Variants in SCAF8 observed in about 807,000 individuals in gnomAD.
SCAF8 encodes SR-related and CTD-associated factor 8.
SCAF8 carries 23 observed loss-of-function variants against 140.5 expected under a neutral mutation model. The observed-to-expected ratio is 0.16, with a 90% confidence interval of 0.12 to 0.23. SCAF8 has a LOEUF of 0.23. Ranked by LOEUF, SCAF8 falls within the 10% of genes least tolerant of loss-of-function variation. SCAF8 has a pLI of 1.00. For missense variants in SCAF8, 1,397 were observed against 1,555.7 expected, an observed-to-expected ratio of 0.90 and a Z score of 1.72; for synonymous variants, 575 against 528.9, an observed-to-expected ratio of 1.09 and a Z score of -1.20.
At chr6:154,788,306 A>G (rs1371350640) in intron 4 of SCAF8, among the ~76,000 whole-genome samples, 2 of 152,160 alleles carry the variant, frequency 1.3e-5, no homozygotes, top group Admixed American at 6.6e-5. Flanking sequence ...AATATGCCAT[A>G]TAGTCTAGGT....
At chr6:154,793,043 A>C in intron 5 of SCAF8, 67 bp downstream of exon 5, 1 of 1,294,484 alleles carries the variant, frequency 7.7e-7, no homozygotes, top group Non-Finnish European at 1.0e-6. Flanking sequence ...GACTGTTCAT[A>C]TAAAAAATAA....
intron 1 of SCAF8, among the ~76,000 whole-genome samples, chr6:154,772,816 G>A (rs1039968064): frequency 2.0e-5 from 3 of 152,120 alleles, no homozygotes; most frequent in African/African-American, 7.2e-5. Context: ...CTGGAGTGTA[G>A]TAGTGCAATC....
At chr6:154,748,529 CT>C (rs372335788) in intron 1 of SCAF8, among the ~76,000 whole-genome samples, 20 of 148,144 alleles carry the variant, frequency 1.4e-4, no homozygotes, top group Non-Finnish European at 1.2e-4. Context: ...TACCATGTTA[CT>C]TTTTTTTTTG....
intron 2 of SCAF8, among the ~76,000 whole-genome samples, chr6:154,774,485 A>G (rs1000547553): frequency 6.6e-6 from 1 of 152,182 alleles, no homozygotes; most frequent in African/African-American, 2.4e-5. Flanking sequence ...AATATTTTGC[A>G]TATATCCACA....
intron 13 of SCAF8, among the ~76,000 whole-genome samples, chr6:154,816,038 T>G (rs1221413521): frequency 7.9e-5 from 12 of 152,194 alleles, no homozygotes; most frequent in Admixed American, 7.9e-4. Context: ...GTTCTTGAGT[T>G]TTATAGCAGT....
At chr6:154,746,061 T>C (rs1409842241) in intron 1 of SCAF8, among the ~76,000 whole-genome samples, 2 of 152,122 alleles carry the variant, frequency 1.3e-5, no homozygotes, top group Non-Finnish European at 1.5e-5. Context: ...AATTTTTGTA[T>C]TTTTAGTCGA....
intron 1 of SCAF8, among the ~76,000 whole-genome samples, chr6:154,763,639 C>T (rs1012437652): frequency 1.6e-4 from 25 of 152,008 alleles, no homozygotes; most frequent in African/African-American, 5.5e-4. Flanking sequence ...GAAGGTACAA[C>T]ATTTTGTTAA....
At chr6:154,820,813 C>CT (rs1395001419) in intron 15 of SCAF8, among the ~76,000 whole-genome samples, 1 of 151,468 alleles carries the variant, frequency 6.6e-6, no homozygotes, top group Non-Finnish European at 1.5e-5. Context: ...CATCAGCCTG[C>CT]TTTTTTTTAA....
Position 154,808,099 on chromosome 6 carries a change from C to T in SCAF8, c.1011C>T (p.Thr337=), listed in dbSNP as rs1777975172. 1.9e-6 allele frequency: 3 copies of T among 1,613,940 alleles called. No individual in the cohort carries two copies. Among genetic ancestry groups the T allele is most frequent in the Non-Finnish European group, 2.5e-6 (3 of 1,179,888 alleles). ...KATPQDSQEG[T]FGSEHSASPS... The stretch of plus-strand genomic sequence containing the variant: ...CTCCTCAGGATAGTCAGGAAGGAAC[C>T]TTTGGGTCAGAGCATTCAGCGTCAC... Residue 337 remains threonine, a synonymous_variant, in exon 10 of 20, where the codon ACC becomes ACT. Transcript: ENST00000367178.
chr6:154,772,014 T>G (rs1776782835), intron 1 of SCAF8, among the ~76,000 whole-genome samples: 1 of 152,148 alleles, frequency 6.6e-6, no homozygotes, highest in African/African-American at 2.4e-5. Context: ...GTTAGAATTT[T>G]GAAATACGAG....
At chr6:154,746,390 C>T (rs1231953094) in intron 1 of SCAF8, among the ~76,000 whole-genome samples, 1 of 152,128 alleles carries the variant, frequency 6.6e-6, no homozygotes, top group Non-Finnish European at 1.5e-5. Flanking sequence ...GTATATCTAT[C>T]AATAGATAGA....
intron 18 of SCAF8, among the ~76,000 whole-genome samples, chr6:154,828,369 A>G (rs191713142): frequency 2.0e-5 from 3 of 152,130 alleles, no homozygotes; most frequent in Admixed American, 6.5e-5. Context: ...CATGAGATCT[A>G]TAGGTATTTC....
intron 15 of SCAF8, among the ~76,000 whole-genome samples, chr6:154,821,382 A>G (rs1419046237): frequency 6.6e-6 from 1 of 152,048 alleles, no homozygotes; most frequent in East Asian, 1.9e-4. Flanking sequence ...GAACACTTGC[A>G]GCAGAGAACA....
In SCAF8 at chr6:154,808,701, G is replaced by GAAGGGC; in HGVS notation, c.1133_1138dup (p.Gly378_Gln379dup). 1 of 1,611,674 alleles carries GAAGGGC rather than the reference G, an allele frequency of 6.2e-7. No individual in the cohort carries two copies. Among genetic ancestry groups the GAAGGGC allele is most frequent in the African/African-American group, 1.3e-5 (1 of 75,004 alleles). On this transcript the variant is annotated inframe_insertion, in exon 11 of 20. Coordinates refer to ENST00000367178, the MANE Select transcript of SCAF8 (RefSeq NM_014892.5). ...GACTTTCAAGGATATGGATATAGAT[G>GAAGGGC]AAGGGCAAGATGGAGTGGAAGAGGA... is the stretch of plus-strand genomic sequence containing the variant.
chr6:154,824,441 C>A, intron 17 of SCAF8, 63 bp downstream of exon 17: 1 of 1,465,362 alleles, frequency 6.8e-7, no homozygotes, highest in Non-Finnish European at 9.5e-7. Context: ...TGTGTTTCTT[C>A]CAGATTTAAG....
chr6:154,793,220 G>C (rs1485841133), intron 5 of SCAF8, among the ~76,000 whole-genome samples: 1 of 152,002 alleles, frequency 6.6e-6, no homozygotes, highest in Non-Finnish European at 1.5e-5. Flanking sequence ...TAGAAATTTG[G>C]TGTGTCAATT....
intron 8 of SCAF8, among the ~76,000 whole-genome samples, chr6:154,804,607 A>G (rs1039361120): frequency 6.6e-6 from 1 of 152,150 alleles, no homozygotes; most frequent in East Asian, 1.9e-4. Flanking sequence ...CAAGGAATCA[A>G]ATTTACTCCG....
At chr6:154,788,792 T>G (rs34301013) in intron 4 of SCAF8, among the ~76,000 whole-genome samples, 3,841 of 152,284 alleles carry the variant, frequency 0.025, 66 homozygotes, top group Middle Eastern at 0.058. Flanking sequence ...TAAAAAAGCT[T>G]TGGATCATGA....
chr6:154,781,092 G>A (rs1206495067), intron 3 of SCAF8, among the ~76,000 whole-genome samples: 1 of 152,004 alleles, frequency 6.6e-6, no homozygotes, highest in Non-Finnish European at 1.5e-5. Flanking sequence ...TTATCTCGTT[G>A]TTTTGCCCCA....
Sources: gnomAD v4.1 joint callset for allele counts (sites outside exome capture counted in the v4.1 genomes callset) on GRCh38, gnomAD v4.1.1 for gene constraint, MANE v1.5 for transcripts, NCBI Gene and HGNC (gene_info 2026-07-23, HGNC 2026-07-21) for gene names.